Variants in LRPPRC observed in about 807,000 individuals in gnomAD.
LRPPRC encodes the protein leucine-rich PPR motif-containing protein, mitochondrial.
A neutral mutation model predicts 180.3 loss-of-function variants in LRPPRC; 120 were observed. The observed-to-expected ratio is 0.67, with a 90% CI of 0.57 to 0.77. The LOEUF (loss-of-function observed/expected upper bound fraction) is 0.77. Ranked by LOEUF, LRPPRC falls within the 30% of genes least tolerant of loss-of-function variation. The pLI, the probability that LRPPRC is intolerant of heterozygous loss-of-function variation, is 0.00. For synonymous variants in LRPPRC, 723 were observed against 600.0 expected (o/e 1.21, Z -3.00); for missense variants, 2,012 against 1,657.2 (o/e 1.21, Z -3.72).
intron 23 of LRPPRC, among the ~76,000 whole-genome samples, chr2:43,942,072 C>T (rs1432791616): frequency 6.6e-6 from 1 of 151,926 alleles, no homozygotes; most frequent in Non-Finnish European, 1.5e-5. Flanking sequence ...AATTCCACAC[C>T]GTTTCCATTT....
Position 43,888,395 on chromosome 2 carries a change from T to A in LRPPRC, c.*205A>T, listed in dbSNP as rs1670347233. 3 of 502,058 alleles carry A rather than the reference T, an allele frequency of 6.0e-6. No individual in the cohort carries two copies. Among genetic ancestry groups the A allele is most frequent in the African/African-American group, 5.8e-5 (3 of 51,336 alleles). The allele number at this position is 502,058 out of a possible 1,614,324, so 31.1% of individuals were successfully genotyped here. ...ACAGCAGCAGCATTGAAGAAAACAC[T>A]ATCGATTTTTCCCAGAGAAAAAAAC... On this transcript the variant is annotated 3_prime_UTR_variant, in exon 38 of 38. Transcript: ENST00000260665.
rs372048583 is a variant in LRPPRC, at chr2:43,917,029, C to A, written c.3148+996G>T. ...ATCACTTATATCTAACAATTAACAT[C>A]TTACTAGATTTGCTTTTTTTTTTTT... On this transcript the variant is annotated intron_variant, in intron 29 of 37. Coordinates refer to ENST00000260665, the MANE Select transcript of LRPPRC (RefSeq NM_133259.4). 2.8e-5 allele frequency among the ~76,000 whole-genome samples: 4 copies of A among 144,360 alleles called. No individual in the cohort carries two copies. In the East Asian group the frequency reaches 6.0e-4, roughly 22 times the overall value. The allele number at this position is 144,360 out of a possible 152,430, so 94.7% of individuals were successfully genotyped here.
intron 1 of LRPPRC, among the ~76,000 whole-genome samples, chr2:43,992,766 C>T (rs1674841782): frequency 6.6e-6 from 1 of 152,042 alleles, no homozygotes; most frequent in Non-Finnish European, 1.5e-5. Context: ...CAGCAACATT[C>T]ACGAAAATAG....
intron 29 of LRPPRC, 36 bp from the exon 30 acceptor site, chr2:43,912,594 A>G (rs1228244617): frequency 3.2e-6 from 5 of 1,585,692 alleles, no homozygotes; most frequent in South Asian, 1.1e-5. Flanking sequence ...ATGAGATGAC[A>G]TTATTCTGAA....
chr2:43,935,671 C>CA (rs774593371), intron 23 of LRPPRC, among the ~76,000 whole-genome samples: 95 of 152,188 alleles, frequency 6.2e-4, no homozygotes, highest in Non-Finnish European at 1.1e-3. Flanking sequence ...ATTTTCCCCC[C>CA]ATAAAAGGAC....
intron 14 of LRPPRC, among the ~76,000 whole-genome samples, chr2:43,953,876 G>C (rs2103636274): frequency 6.6e-6 from 1 of 152,256 alleles, no homozygotes; most frequent in East Asian, 1.9e-4. Context: ...TTCTCTTAAA[G>C]ATACTCAATA....
At chr2:43,976,358 C>A in intron 5 of LRPPRC, 129 bp from the exon 6 acceptor site, 1 of 658,078 alleles carries the variant, frequency 1.5e-6, no homozygotes, top group Non-Finnish European at 2.7e-6. Context: ...GTTTTAGAAA[C>A]CACAAAGAAA....
In LRPPRC at chr2:43,935,484, T is replaced by C. The variant is rs527986111; in HGVS notation, c.2505-606A>G. ...AAACTAGGATATTCGTGTTGGTCAGTGAATTCTAGAAGAATTCTAAATACT... is the reference window on the plus strand; with the variant it reads ...AAACTAGGATATTCGTGTTGGTCAGCGAATTCTAGAAGAATTCTAAATACT... On this transcript the variant is annotated intron_variant, in intron 23 of 37. Transcript: ENST00000260665. Among the ~76,000 whole-genome samples the C allele has an allele frequency of 2.2e-4, 33 of 152,374 alleles. No individual in the cohort carries two copies. In the South Asian group the frequency reaches 6.2e-3, roughly 29 times the overall value.
intron 11 of LRPPRC, among the ~76,000 whole-genome samples, chr2:43,970,768 G>C (rs578107539): frequency 6.6e-6 from 1 of 152,216 alleles, no homozygotes; most frequent in East Asian, 1.9e-4. Context: ...CTCTAGCCAC[G>C]GCACTCACTT....
At chr2:43,980,288 G>A (rs1447169550) in intron 2 of LRPPRC, among the ~76,000 whole-genome samples, 1 of 152,112 alleles carries the variant, frequency 6.6e-6, no homozygotes, top group Non-Finnish European at 1.5e-5. Flanking sequence ...AGTATAAAGG[G>A]CCAGGCGCGA....
chr2:43,989,938 G>C (rs1674697052), intron 1 of LRPPRC, among the ~76,000 whole-genome samples: 1 of 152,174 alleles, frequency 6.6e-6, no homozygotes, highest in Non-Finnish European at 1.5e-5. Context: ...ATCAGGCCAG[G>C]TGCGGTGGCT....
chr2:43,947,026 C>T (rs1480849258), intron 20 of LRPPRC, among the ~76,000 whole-genome samples: 2 of 152,082 alleles, frequency 1.3e-5, no homozygotes, highest in Non-Finnish European at 2.9e-5. Flanking sequence ...AAACCTATCA[C>T]AGCTGTTACT....
intron 14 of LRPPRC, among the ~76,000 whole-genome samples, chr2:43,955,799 G>A (rs1673092022): frequency 6.6e-6 from 1 of 152,098 alleles, no homozygotes; most frequent in African/African-American, 2.4e-5. Flanking sequence ...ATTACCAATG[G>A]CTGCTAAAAC....
At position 43,948,494 on chromosome 2, in the gene LRPPRC, T is replaced by C; in HGVS notation, c.1760A>G (p.Asn587Ser). ...PTEAVGYFLY[N>S]LIDSMSDSEV... ...TGAGTCACTCATGCTGTCAATCAAG[T>C]TATAAAGAAAATAGCCAACAGCTTC... Residue 587 changes from asparagine to serine, a missense_variant, in exon 17 of 38, where the codon AAC (asparagine) becomes AGC (serine). Transcript: ENST00000260665. 6.2e-7 allele frequency: 1 copy of C among 1,607,694 alleles called. No homozygotes were observed. The highest frequency in any genetic ancestry group is 2.2e-5 in the East Asian group (1 of 44,842).
In LRPPRC at chr2:43,916,579, T is replaced by A. The variant is rs1395637235; in HGVS notation, c.3148+1446A>T. On this transcript the variant is annotated intron_variant, in intron 29 of 37. Coordinates refer to ENST00000260665, the MANE Select transcript of LRPPRC (RefSeq NM_133259.4). ...TTATAATATGTGCCACAAAAAGTTA[T>A]TTTCAAAAAATACTTTTAATAAAAA... 2.0e-5 allele frequency among the ~76,000 whole-genome samples: 3 copies of A among 152,306 alleles called. No homozygotes were observed. The South Asian group carries it at 6.2e-4, about 32-fold the overall frequency.
chr2:43,961,707 T>C (rs111859423), intron 12 of LRPPRC, among the ~76,000 whole-genome samples: 3,118 of 152,334 alleles, frequency 0.02, 47 homozygotes, highest in Non-Finnish European at 0.032. Context: ...ACACCTGCAA[T>C]GCCAGCATTT....
intron 13 of LRPPRC, among the ~76,000 whole-genome samples, 181 bp from the exon 14 acceptor site, chr2:43,957,632 A>G (rs141325329): frequency 2.0e-4 from 30 of 152,360 alleles, no homozygotes; most frequent in African/African-American, 7.2e-4. Flanking sequence ...CTGCAATATA[A>G]GCTACCCTTT....
intron 25 of LRPPRC, among the ~76,000 whole-genome samples, chr2:43,932,632 AAAG>A (rs1672132617): frequency 6.6e-6 from 1 of 152,172 alleles, no homozygotes; most frequent in African/African-American, 2.4e-5. Flanking sequence ...TATGTGAGGT[AAAG>A]AAGACAACAC....
chr2:43,973,131 T>C (rs1673891097), intron 11 of LRPPRC, among the ~76,000 whole-genome samples: 1 of 152,330 alleles, frequency 6.6e-6, no homozygotes, highest in East Asian at 1.9e-4. Context: ...AGGTCATGAG[T>C]ACTCATTTCA....
Sources: allele counts gnomAD v4.1 joint callset (sites outside exome capture counted in the v4.1 genomes callset), GRCh38; gene constraint gnomAD v4.1.1; transcripts MANE v1.5; gene names NCBI Gene and HGNC (gene_info 2026-07-23, HGNC 2026-07-21).